Variants in C13orf42 observed in about 807,000 individuals in gnomAD.
C13orf42 encodes the protein uncharacterized protein C13orf42.
At chr13:51,114,769 C>A (rs1303056702), upstream of C13orf42, among the ~76,000 whole-genome samples, 1 of 152,120 alleles carries the variant, frequency 6.6e-6, no homozygotes, top group East Asian at 1.9e-4. Flanking sequence ...AGTAATGCTG[C>A]AATGTGCAGA....
In C13orf42 at chr13:51,128,400, A is replaced by G. The variant is rs74866245; in HGVS notation, n.137-15178T>C. Reference sequence around the variant, plus strand: ...AGGGATGACACTGAGGAGAACCCCAACCTCAAGGAAATAGACGGCAGCACT... The same window carrying G: ...AGGGATGACACTGAGGAGAACCCCAGCCTCAAGGAAATAGACGGCAGCACT... On this transcript the variant is annotated intron_variant and non_coding_transcript_variant, in intron 1 of 4. Coordinates refer to the C13orf42 transcript ENST00000433280. 3.6e-3 allele frequency among the ~76,000 whole-genome samples: 550 copies of G among 152,274 alleles called. 2 individuals carry two copies. Among genetic ancestry groups the G allele is most frequent in the African/African-American group, 0.013 (532 of 41,556 alleles).
In C13orf42 at chr13:51,084,122, C is replaced by A; in HGVS notation, c.*29G>T. On this transcript the variant is annotated 3_prime_UTR_variant, in exon 4 of 4. Transcript: ENST00000563710. ...GCGGACAGCTTCTCAGGGACCCAGT[C>A]TGAGACACGTCAAGGAATCCAGATG... is the stretch of plus-strand genomic sequence containing the variant. The A allele has an allele frequency of 2.5e-6, 1 of 398,690 alleles. No individual in the cohort carries two copies. The highest frequency in any genetic ancestry group is 1.3e-4 in the South Asian group (1 of 7,838). The allele number at this position is 398,690 out of a possible 1,614,324, so 24.7% of individuals were successfully genotyped here. A position where few individuals can be genotyped will look rare whatever the true frequency, so the allele number is the denominator to read the frequency against.
At position 51,083,356 on chromosome 13, in the gene C13orf42, G is replaced by C. The variant is rs1953085484; in HGVS notation, c.*795C>G. 6.6e-6 allele frequency: 1 copy of C among 152,054 alleles called. No homozygotes were observed. The highest frequency in any genetic ancestry group is 2.4e-5 in the African/African-American group (1 of 41,382). 9.4% of individuals were successfully genotyped at this position (152,054 alleles called of 1,614,324 possible). Reference sequence around the variant, plus strand: ...ATGATTCTGATTGTTCTCTTAACTGGGGAAAGGGAAAGGTGTGGCCTGTCA... The same window carrying C: ...ATGATTCTGATTGTTCTCTTAACTGCGGAAAGGGAAAGGTGTGGCCTGTCA... On this transcript the variant is annotated 3_prime_UTR_variant, in exon 4 of 4. Coordinates refer to ENST00000563710, the MANE Select transcript of C13orf42 (RefSeq NM_001351589.3).
intron 1 of C13orf42, among the ~76,000 whole-genome samples, chr13:51,145,474 G>T (rs1953727238): frequency 6.6e-6 from 1 of 152,056 alleles, no homozygotes; most frequent in Admixed American, 6.5e-5. Flanking sequence ...AGCTATGAGA[G>T]ATCAGATGAA....
chr13:51,120,074 TG>T (rs1953521836), intron 1 of C13orf42, among the ~76,000 whole-genome samples: 5 of 152,202 alleles, frequency 3.3e-5, no homozygotes, highest in Admixed American at 3.3e-4. Flanking sequence ...ACTCAATAAA[TG>T]GTCACTCAAT....
chr13:51,131,535 A>T lies in C13orf42; in HGVS notation n.137-18313T>A, dbSNP rs1046759168. ...CAAGTTATCTGGGAAAAGGCCTAAGAGCCCCAAGTTATCTGGGAACCTCAA... is the reference window on the plus strand; with the variant it reads ...CAAGTTATCTGGGAAAAGGCCTAAGTGCCCCAAGTTATCTGGGAACCTCAA... On this transcript the variant is annotated intron_variant and non_coding_transcript_variant, in intron 1 of 4. Transcript: ENST00000433280. 2.0e-5 allele frequency among the ~76,000 whole-genome samples: 3 copies of T among 152,206 alleles called. No individual in the cohort carries two copies. The East Asian group carries it at 5.8e-4, about 29-fold the overall frequency.
chr13:51,170,971 C>A (rs1031806378), intron 1 of C13orf42, among the ~76,000 whole-genome samples: 1 of 151,208 alleles, frequency 6.6e-6, no homozygotes, highest in Non-Finnish European at 1.5e-5. Context: ...TATCTCTGTG[C>A]CCCAATCCCT....
Position 51,105,461 on chromosome 13 carries a change from T to G in C13orf42, c.414+5335A>C, listed in dbSNP as rs556289719. On this transcript the variant is annotated intron_variant, in intron 1 of 3. Transcript: ENST00000563710. ...TTAATAAACTGTTACTAAAATATTA[T>G]TAAGGGCATCACTAACCACATCACA... is the stretch of plus-strand genomic sequence containing the variant. Among the ~76,000 whole-genome samples the G allele has an allele frequency of 1.3e-4, 20 of 152,324 alleles. 1 individual carries two copies. In the South Asian group the frequency reaches 3.9e-3, roughly 30 times the overall value.
chr13:51,155,705 G>T (rs974768783), intron 1 of C13orf42, among the ~76,000 whole-genome samples: 1 of 152,138 alleles, frequency 6.6e-6, no homozygotes, highest in East Asian at 1.9e-4. Flanking sequence ...AACGGCTACC[G>T]CATTCTTCTA....
At chr13:51,108,586 A>G (rs1182227035) in intron 1 of C13orf42, among the ~76,000 whole-genome samples, 1 of 152,216 alleles carries the variant, frequency 6.6e-6, no homozygotes, top group African/African-American at 2.4e-5. Context: ...TCCTGTATCC[A>G]ACATTTCAGA....
chr13:51,122,672 C>A (rs1041698280), intron 1 of C13orf42, among the ~76,000 whole-genome samples: 4 of 152,156 alleles, frequency 2.6e-5, no homozygotes, highest in African/African-American at 4.8e-5. Flanking sequence ...TGAATTCCTG[C>A]CCACTACAAG....
At chr13:51,123,372 G>A (rs1593542874) in intron 1 of C13orf42, among the ~76,000 whole-genome samples, 1 of 152,154 alleles carries the variant, frequency 6.6e-6, no homozygotes. Context: ...CATGGCAGGG[G>A]GAAGACAGCA....
At chr13:51,122,120 AAAGG>A (rs940350712) in intron 1 of C13orf42, among the ~76,000 whole-genome samples, 1 of 152,184 alleles carries the variant, frequency 6.6e-6, no homozygotes, top group African/African-American at 2.4e-5. Context: ...ATTAAGAGAA[AAAGG>A]AAGGTTGAAA....
chr13:51,133,211 C>T lies in C13orf42; in HGVS notation n.137-19989G>A, dbSNP rs866648179. ...CCGTGAATTCTTTCTTGCACAAGAT[C>T]CAAGAACCCTCTCTTGAGATCTGGA... is the stretch of plus-strand genomic sequence containing the variant. On this transcript the variant is annotated intron_variant and non_coding_transcript_variant, in intron 1 of 4. Transcript: ENST00000433280. Among the ~76,000 whole-genome samples the T allele has an allele frequency of 6.6e-5, 10 of 152,280 alleles. No individual in the cohort carries two copies. In the South Asian group the frequency reaches 1.9e-3, roughly 28 times the overall value.
At chr13:51,154,769 G>A (rs1051860146) in intron 1 of C13orf42, among the ~76,000 whole-genome samples, 4 of 152,212 alleles carry the variant, frequency 2.6e-5, no homozygotes, top group South Asian at 2.1e-4. Flanking sequence ...TGAGGATAAA[G>A]CAGTAAACAA....
intron 1 of C13orf42, among the ~76,000 whole-genome samples, chr13:51,171,136 C>T (rs1953946846): frequency 6.6e-6 from 1 of 152,010 alleles, no homozygotes; most frequent in Non-Finnish European, 1.5e-5. Context: ...AAGCTTCCAC[C>T]CTCCATTCCT....
At chr13:51,155,688 G>T (rs1953819126) in intron 1 of C13orf42, among the ~76,000 whole-genome samples, 1 of 152,204 alleles carries the variant, frequency 6.6e-6, no homozygotes, top group South Asian at 2.1e-4. Context: ...AAGTGGACAA[G>T]ATGGAAAACG....
At chr13:51,102,624 G>C (rs1266779102) in intron 1 of C13orf42, among the ~76,000 whole-genome samples, 1 of 152,140 alleles carries the variant, frequency 6.6e-6, no homozygotes, top group Non-Finnish European at 1.5e-5. Flanking sequence ...AGTTCATTCA[G>C]GCAGACATAT....
chr13:51,122,542 A>G (rs967318541), intron 1 of C13orf42, among the ~76,000 whole-genome samples: 8 of 149,980 alleles, frequency 5.3e-5, no homozygotes, highest in African/African-American at 2.0e-4. Context: ...CAAAAAGAAA[A>G]AAAAAAAAAA....
Sources: gnomAD v4.1 joint callset for allele counts (sites outside exome capture counted in the v4.1 genomes callset) on GRCh38, gnomAD v4.1.1 for gene constraint, MANE v1.5 for transcripts, NCBI Gene and HGNC (gene_info 2026-07-23, HGNC 2026-07-21) for gene names.